GLRA1: variants seen among roughly 807,000 people sequenced by gnomAD.
The protein encoded by GLRA1 is glycine receptor subunit alpha-1.
Under a neutral mutation model 48.3 loss-of-function variants are expected in GLRA1, and 37 were observed. The observed-to-expected ratio is 0.77, with a 90% CI of 0.59 to 1.01. The LOEUF is 1.01. Ranked by LOEUF, GLRA1 falls within the 50% of genes least tolerant of loss-of-function variation. The pLI is 0.00. For synonymous variants in GLRA1, 196 were observed against 210.7 expected (o/e 0.93, Z 0.60); for missense variants, 427 against 571.0 (o/e 0.75, Z 2.57).
At chr5:151,862,554 T>C (rs538509499) in intron 3 of GLRA1, among the ~76,000 whole-genome samples, 1 of 152,348 alleles carries the variant, frequency 6.6e-6, no homozygotes, top group South Asian at 2.1e-4. Flanking sequence ...CTAAACTCAA[T>C]GCTTAGTTAA....
At chr5:151,826,961 G>A (rs1314470459) in intron 8 of GLRA1, among the ~76,000 whole-genome samples, 2 of 151,440 alleles carry the variant, frequency 1.3e-5, no homozygotes, top group African/African-American at 4.9e-5. Context: ...AGCAGCTAGT[G>A]TATAGGGAAA....
chr5:151,856,592 C>T (rs1220185983), intron 4 of GLRA1, among the ~76,000 whole-genome samples: 7 of 152,172 alleles, frequency 4.6e-5, no homozygotes, highest in African/African-American at 1.7e-4. Flanking sequence ...AATAATGGCT[C>T]ACTGCAGTCT....
chr5:151,880,651 C>G (rs898554480), intron 3 of GLRA1, among the ~76,000 whole-genome samples: 7 of 152,222 alleles, frequency 4.6e-5, no homozygotes, highest in Non-Finnish European at 8.8e-5. Flanking sequence ...CAGTTCTACA[C>G]AAATTCCAGC....
intron 7 of GLRA1, among the ~76,000 whole-genome samples, chr5:151,832,007 G>C (rs1763439558): frequency 6.6e-6 from 1 of 152,222 alleles, no homozygotes; most frequent in Non-Finnish European, 1.5e-5. Context: ...TAGGCACACA[G>C]GGTCTGGAGT....
At chr5:151,856,415 G>T (rs754725607) in intron 4 of GLRA1, 32 bp from the exon 5 acceptor site, 3 of 1,378,804 alleles carry the variant, frequency 2.2e-6, no homozygotes, top group Non-Finnish European at 3.1e-6. Context: ...AATGATGCAG[G>T]ATCTGCACAT....
chr5:151,892,059 A>T (rs1754090826), intron 2 of GLRA1, among the ~76,000 whole-genome samples: 1 of 152,104 alleles, frequency 6.6e-6, no homozygotes, highest in African/African-American at 2.4e-5. Flanking sequence ...ATCATACAAG[A>T]AGTAGCAAAT....
At chr5:151,857,965 G>C (rs1753092825) in intron 4 of GLRA1, among the ~76,000 whole-genome samples, 1 of 152,234 alleles carries the variant, frequency 6.6e-6, no homozygotes, top group Non-Finnish European at 1.5e-5. Flanking sequence ...TGATACATCA[G>C]CCAGGATTCA....
chr5:151,917,455 T>C (rs751402038), intron 1 of GLRA1, among the ~76,000 whole-genome samples: 2 of 152,242 alleles, frequency 1.3e-5, no homozygotes, highest in Non-Finnish European at 2.9e-5. Flanking sequence ...ACCACTTTAT[T>C]GAGGTGTGAT....
intron 6 of GLRA1, among the ~76,000 whole-genome samples, chr5:151,852,195 A>G (rs1414031948): frequency 6.6e-6 from 1 of 152,054 alleles, no homozygotes; most frequent in Non-Finnish European, 1.5e-5. Flanking sequence ...GACTCCCTAT[A>G]TGCCATCCCT....
At chr5:151,917,892 A>G (rs1754777479) in intron 1 of GLRA1, among the ~76,000 whole-genome samples, 1 of 152,212 alleles carries the variant, frequency 6.6e-6, no homozygotes, top group Admixed American at 6.5e-5. Flanking sequence ...GTTGCCCAGA[A>G]TATGAGGCAA....
chr5:151,907,398 A>G (rs2113445995), intron 1 of GLRA1, among the ~76,000 whole-genome samples: 1 of 152,344 alleles, frequency 6.6e-6, no homozygotes, highest in South Asian at 2.1e-4. Context: ...TCACTTCTGC[A>G]GTGGCAGGTA....
chr5:151,840,518 CATTA>C lies in GLRA1; in HGVS notation c.912+10868_912+10871del, dbSNP rs918022822. Among the ~76,000 whole-genome samples, 8 of 152,096 alleles carry C rather than the reference CATTA, an allele frequency of 5.3e-5. No individual in the cohort carries two copies. The South Asian group carries it at 6.2e-4, about 12-fold the overall frequency. On this transcript the variant is annotated intron_variant, in intron 7 of 8. Transcript: ENST00000274576. Reference sequence around the variant, plus strand: ...TTATACGAAATCGCATTTTTTATTACATTAATTAAATTAAGTGGAAATAGACTAA... The same window carrying C: ...TTATACGAAATCGCATTTTTTATTACATTAAATTAAGTGGAAATAGACTAA...
At chr5:151,823,533 G>A (rs1200269040) in intron 8 of GLRA1, among the ~76,000 whole-genome samples, 1 of 152,220 alleles carries the variant, frequency 6.6e-6, no homozygotes, top group Non-Finnish European at 1.5e-5. Context: ...CTATGGGCCA[G>A]GATGGAGCAG....
At chr5:151,883,316 AT>A (rs1753807338) in intron 3 of GLRA1, among the ~76,000 whole-genome samples, 1 of 152,110 alleles carries the variant, frequency 6.6e-6, no homozygotes, top group South Asian at 2.1e-4. Context: ...ATTGGGTTGG[AT>A]TTCCACTTTT....
At chr5:151,919,927 C>T (rs183927030) in intron 1 of GLRA1, among the ~76,000 whole-genome samples, 2 of 152,352 alleles carry the variant, frequency 1.3e-5, no homozygotes, top group Admixed American at 6.5e-5. Context: ...TTAATGACGC[C>T]CACATAAATG....
At chr5:151,909,921 G>A (rs1754567607) in intron 1 of GLRA1, among the ~76,000 whole-genome samples, 1 of 151,876 alleles carries the variant, frequency 6.6e-6, no homozygotes, top group Non-Finnish European at 1.5e-5. Context: ...ATGAGTAGGA[G>A]TATTTTATGA....
At position 151,822,800 on chromosome 5, in the gene GLRA1, A is replaced by G; in HGVS notation, c.1223T>C (p.Phe408Ser). The G allele has an allele frequency of 6.2e-7, 1 of 1,614,102 alleles. No homozygotes were observed. The highest frequency in any genetic ancestry group is 1.3e-5 in the African/African-American group (1 of 75,032). ...GTCGATCTTCTTGGCCCTCTGGATG[A>G]AGAGTTTTCGCATCTCCTCTGGGGA... is the stretch of plus-strand genomic sequence containing the variant. Reference protein sequence around the residue: ...SKSPEEMRKLFIQRAKKIDKI... With the variant: ...SKSPEEMRKLSIQRAKKIDKI... Residue 408 changes from phenylalanine (F) to serine (S), a missense_variant, in exon 9 of 9, where the codon TTC becomes TCC. By Grantham distance (155) the Phe-to-Ser change is radical. Coordinates refer to ENST00000274576, the MANE Select transcript of GLRA1 (RefSeq NM_000171.4).
At chr5:151,829,182 G>C (rs1303230723) in intron 7 of GLRA1, 115 bp from the exon 8 acceptor site, 8 of 972,130 alleles carry the variant, frequency 8.2e-6, no homozygotes, top group Non-Finnish European at 7.9e-6. Flanking sequence ...ACTGCTGTCT[G>C]CTTCTCAGCT....
intron 6 of GLRA1, among the ~76,000 whole-genome samples, chr5:151,852,119 G>C (rs1752928573): frequency 6.6e-6 from 1 of 152,098 alleles, no homozygotes; most frequent in African/African-American, 2.4e-5. Flanking sequence ...TCTTTAGCCT[G>C]CCCTTTATAA....
Sources: allele counts gnomAD v4.1 joint callset (sites outside exome capture counted in the v4.1 genomes callset), GRCh38; gene constraint gnomAD v4.1.1; transcripts MANE v1.5; gene names NCBI Gene and HGNC (gene_info 2026-07-23, HGNC 2026-07-21).